The following KRT8 variants were observed in gnomAD, a reference collection of about 807,000 sequenced individuals.
KRT8 encodes the protein keratin, type II cytoskeletal 8.
KRT8 carries 24 observed loss-of-function variants against 43.0 expected under a neutral mutation model. The ratio of observed to expected loss-of-function variants is 0.56; its 90% CI spans 0.40 to 0.78. The LOEUF (loss-of-function observed/expected upper bound fraction) is 0.78, where lower values mean the gene tolerates loss of function less well. Ranked by LOEUF, KRT8 falls within the 30% of genes least tolerant of loss-of-function variation. KRT8 has a pLI of 0.00. For missense variants in KRT8, 492 were observed against 638.4 expected, an observed-to-expected ratio of 0.77 and a Z score of 2.47; for synonymous variants, 214 against 261.2, an observed-to-expected ratio of 0.82 and a Z score of 1.74.
chr12:52,904,343 A>C (rs1050575959), intron 1 of KRT8, among the ~76,000 whole-genome samples: 2 of 152,144 alleles, frequency 1.3e-5, no homozygotes, highest in Admixed American at 1.3e-4. Flanking sequence ...CCTGAGGAAG[A>C]ACGGGATTTG....
At chr12:52,902,233 G>T (rs1941390685) in intron 1 of KRT8, 161 bp from the exon 2 acceptor site, 2 of 627,876 alleles carry the variant, frequency 3.2e-6, no homozygotes, top group African/African-American at 1.8e-5. Context: ...TATGACCAGG[G>T]GGAGAAAGCA....
chr12:52,945,109 G>A (rs1389692557), intron 2 of KRT8, among the ~76,000 whole-genome samples: 1 of 152,170 alleles, frequency 6.6e-6, no homozygotes, highest in Non-Finnish European at 1.5e-5. Flanking sequence ...GCAGGGCTGG[G>A]CAGGAGGATT....
At chr12:52,941,067 ATTTT>A (rs10706288) in intron 2 of KRT8, among the ~76,000 whole-genome samples, 1 of 141,946 alleles carries the variant, frequency 7.0e-6, no homozygotes, top group African/African-American at 2.7e-5. Flanking sequence ...CAATACATTA[ATTTT>A]TTTTTTTTTT....
At chr12:52,946,482 T>TC (rs1298822424) in intron 2 of KRT8, 6 of 152,212 alleles carry the variant, frequency 3.9e-5, no homozygotes, top group African/African-American at 1.2e-4. Context: ...GGACAGGTCT[T>TC]ACTGTTTTCC....
intron 2 of KRT8, 43 bp downstream of exon 2, chr12:52,901,821 G>A (rs745644396): frequency 7.3e-7 from 1 of 1,368,210 alleles, no homozygotes. Flanking sequence ...GGGTGGAGGA[G>A]AGCACGGTGA....
In KRT8 at chr12:52,898,989, C is replaced by T. The variant is rs1941293018; in HGVS notation, c.982-90G>A. The T allele has an allele frequency of 3.5e-6, 4 of 1,134,220 alleles. No homozygotes were observed. The Admixed American group carries it at 5.8e-5, about 17-fold the overall frequency. 70.3% of individuals were successfully genotyped at this position (1,134,220 alleles called of 1,614,324 possible). On this transcript the variant is annotated intron_variant, in intron 5 of 7. Transcript: ENST00000692008. ...CCCTCCCTCAGGGTCCTCCCCACCA[C>T]CACCTAGGCTGACTCCCCCCAGCTC...
intron 4 of KRT8, 144 bp downstream of exon 4, chr12:52,900,444 C>A (rs1047122372): frequency 1.1e-5 from 8 of 708,812 alleles, no homozygotes; most frequent in Non-Finnish European, 1.8e-5. Context: ...ACTAGCCGAG[C>A]AAATATTGGT....
At chr12:52,915,248 C>G (rs1206029583) in intron 2 of KRT8, among the ~76,000 whole-genome samples, 1 of 152,000 alleles carries the variant, frequency 6.6e-6, no homozygotes, top group Admixed American at 6.6e-5. Context: ...TGGCGGGCAC[C>G]TGTAGTCCCA....
rs1941367076 is a variant in KRT8 at position 52,901,400 on chromosome 12, CGT to C, written c.534-183_534-182del. On this transcript the variant is annotated intron_variant, in intron 2 of 7. Transcript: ENST00000692008. ...CTCCACCCTCACCCCTCCCTTAGCC[CGT>C]GGGAAGCAGGAAATCTCTCTCCAAA... 1.8e-5 allele frequency: 12 copies of C among 652,938 alleles called. No homozygotes were observed. The South Asian group carries it at 2.0e-4, about 11-fold the overall frequency. The allele number at this position is 652,938 out of a possible 1,614,324, so 40.4% of individuals were successfully genotyped here.
Position 52,899,737 on chromosome 12 carries a change from G to A in KRT8, c.981+38C>T, listed in dbSNP as rs1393282784. The A allele has an allele frequency of 2.5e-6, 4 of 1,578,110 alleles. No individual in the cohort carries two copies. In the East Asian group the frequency reaches 6.7e-5, roughly 26 times the overall value. On this transcript the variant is annotated intron_variant, in intron 5 of 7. Transcript: ENST00000692008. ...ACATTATCTCCTCTCACCAGGATGT[G>A]TCCAAGGAACCCCTCCCACCCCCAA...
chr12:52,905,177 C>T, upstream of KRT8: 1 of 1,035,316 alleles, frequency 9.7e-7, no homozygotes, highest in Non-Finnish European at 1.4e-6. Flanking sequence ...CCGTCACCTG[C>T]CACCTCCGGG....
At chr12:52,922,976 A>C (rs1478449509) in intron 2 of KRT8, among the ~76,000 whole-genome samples, 1 of 152,166 alleles carries the variant, frequency 6.6e-6, no homozygotes, top group Non-Finnish European at 1.5e-5. Flanking sequence ...GAAGACCTCC[A>C]GGAGCTTCCC....
intron 2 of KRT8, among the ~76,000 whole-genome samples, chr12:52,914,658 T>C (rs1007924708): frequency 1.3e-5 from 2 of 152,234 alleles, no homozygotes; most frequent in South Asian, 4.1e-4. Flanking sequence ...ACATTCTTGA[T>C]TGCAAGTGGC....
At chr12:52,903,969 C>T (rs2243921) in intron 1 of KRT8, among the ~76,000 whole-genome samples, 198 of 151,138 alleles carry the variant, frequency 1.3e-3, no homozygotes, top group African/African-American at 4.5e-3. Flanking sequence ...CGCCCTCGGC[C>T]CCGCCCACGC....
Position 52,898,470 on chromosome 12 carries a change from C to T in KRT8, c.1252G>A (p.Gly418Ser), listed in dbSNP as rs773565797. 4.6e-5 allele frequency: 74 copies of T among 1,613,578 alleles called. No individual in the cohort carries two copies. In the Admixed American group the frequency reaches 4.8e-4, roughly 11 times the overall value. The change falls in exon 7 of 8, where the codon GGC becomes AGC. Residue 418 changes from glycine to serine, a missense_variant. This residue lies in a region of KRT8 where 389 missense variants were observed against 485.7 expected (regional missense o/e 0.80). Transcript: ENST00000692008. ...GCCCTGGGACACCCACCTGCATAGC[C>T]GCTGGTGGTCTTCGTATGAATACTC...
At chr12:52,908,580 T>A (rs1941570550), upstream of KRT8, among the ~76,000 whole-genome samples, 1 of 152,166 alleles carries the variant, frequency 6.6e-6, no homozygotes, top group Non-Finnish European at 1.5e-5. Context: ...TATGATTCCA[T>A]TTATATGACA....
intron 1 of KRT8, chr12:52,903,375 C>T (rs978263592): frequency 6.6e-6 from 1 of 152,258 alleles, no homozygotes; most frequent in African/African-American, 2.4e-5. Flanking sequence ...TGCTTAGCTG[C>T]TCTCTATAAG....
intron 2 of KRT8, among the ~76,000 whole-genome samples, chr12:52,944,545 G>T (rs1223978808): frequency 6.6e-6 from 1 of 152,198 alleles, no homozygotes; most frequent in Non-Finnish European, 1.5e-5. Context: ...GTCAGAATGG[G>T]CAAAGGACAT....
At chr12:52,922,389 G>A (rs1565727383) in intron 2 of KRT8, among the ~76,000 whole-genome samples, 1 of 151,784 alleles carries the variant, frequency 6.6e-6, no homozygotes, top group Non-Finnish European at 1.5e-5. Context: ...AATCTATGAG[G>A]AGGCCAGGCA....
Sources: gnomAD v4.1 joint callset for allele counts (sites outside exome capture counted in the v4.1 genomes callset) on GRCh38, gnomAD v4.1.1 for gene constraint, gnomAD v4.1.1 regional missense constraint, MANE v1.5 for transcripts, NCBI Gene and HGNC (gene_info 2026-07-23, HGNC 2026-07-21) for gene names.